POMK: variants seen among roughly 807,000 people sequenced by gnomAD.
POMK encodes protein O-mannose kinase.
Under a neutral mutation model 23.0 loss-of-function variants are expected in POMK, and 19 were observed. The ratio of observed to expected loss-of-function variants is 0.83; its 90% CI spans 0.58 to 1.21. The LOEUF is 1.21. Among genes scored for constraint, POMK ranks in the 50% most tolerant of loss-of-function variants. The pLI is 0.00. For synonymous variants in POMK, 173 were observed against 171.6 expected, an observed-to-expected ratio of 1.01 and a Z score of -0.06; for missense variants, 410 against 431.3, an observed-to-expected ratio of 0.95 and a Z score of 0.44.
rs1405204254 is a variant in POMK at position 43,103,518 on chromosome 8, T to C, written c.-21-10T>C. On this transcript the variant is annotated splice_polypyrimidine_tract_variant and intron_variant, in intron 3 of 4. Transcript: ENST00000331373. ...ACTGTCATGACTTCTTGTTTCATTG[T>C]GTATTTTAGGAAATTGCAGAGGCCG... 1.2e-6 allele frequency: 2 copies of C among 1,610,694 alleles called. No individual in the cohort carries two copies. The highest frequency in any genetic ancestry group is 1.7e-6 in the Non-Finnish European group (2 of 1,177,706).
At chr8:43,110,738 A>T (rs553489044) in intron 4 of POMK, among the ~76,000 whole-genome samples, 4 of 151,788 alleles carry the variant, frequency 2.6e-5, no homozygotes, top group African/African-American at 7.3e-5. Flanking sequence ...ACATGGTAAA[A>T]CCCCATCTCT....
chr8:43,121,587 G>A (rs1333692756), intron 4 of POMK, among the ~76,000 whole-genome samples: 1 of 152,156 alleles, frequency 6.6e-6, no homozygotes, highest in East Asian at 1.9e-4. Context: ...TGATGGGCAG[G>A]GCTCTACGCC....
rs796381789 is a variant in POMK, at chr8:43,118,857, G to T, written c.283-3250G>T. On this transcript the variant is annotated intron_variant, in intron 4 of 4. Transcript: ENST00000331373. ...CTCGCTCTGTTGCCCAGGCTGGAGT[G>T]CAGTGGCCTGATCTCGGCTAACTGC... Among the ~76,000 whole-genome samples the T allele has an allele frequency of 2.0e-5, 3 of 152,302 alleles. No homozygotes were observed. In the South Asian group the frequency reaches 6.2e-4, roughly 32 times the overall value.
chr8:43,122,882 C>T lies in POMK; in HGVS notation c.*5C>T, dbSNP rs1244223706. 1 of 1,596,656 alleles carries T rather than the reference C, an allele frequency of 6.3e-7. No homozygotes were observed. The highest frequency in any genetic ancestry group is 1.7e-5 in the Admixed American group (1 of 59,010). Reference sequence around the variant, plus strand: ...CAGGCAAGAGAGATGCTGTGAAAACCAGTCCAGCCAATGAAGGTGGGATTG... The same window carrying T: ...CAGGCAAGAGAGATGCTGTGAAAACTAGTCCAGCCAATGAAGGTGGGATTG... On this transcript the variant is annotated 3_prime_UTR_variant, in exon 5 of 5. Coordinates refer to ENST00000331373, the MANE Select transcript of POMK (RefSeq NM_032237.5).
intron 4 of POMK, among the ~76,000 whole-genome samples, chr8:43,106,982 C>T (rs765627587): frequency 1.3e-5 from 2 of 152,160 alleles, no homozygotes; most frequent in Non-Finnish European, 2.9e-5. Flanking sequence ...AACTGCTTTG[C>T]AGCTGTCTGA....
chr8:43,100,517 G>C (rs915024152), intron 2 of POMK, among the ~76,000 whole-genome samples: 1 of 151,846 alleles, frequency 6.6e-6, no homozygotes, highest in Non-Finnish European at 1.5e-5. Flanking sequence ...TGCTGTGTGT[G>C]TGTCTGTGGG....
rs1811947723 is a variant in POMK at position 43,122,702 on chromosome 8, TGGGGCACATTGAA to T, written c.882_894del (p.His295ValfsTer44). On this transcript the variant is annotated frameshift_variant, in exon 5 of 5. Transcript: ENST00000331373. LOFTEE classifies it high-confidence loss of function. ...ATCCCAGACATCTCCAGTTTCCTTC[TGGGGCACATTGAA>T]GGGAGTGATATGGTCCGATTCCATT... is the stretch of plus-strand genomic sequence containing the variant. The T allele has an allele frequency of 3.1e-6, 5 of 1,614,094 alleles. No individual in the cohort carries two copies. Among genetic ancestry groups the T allele is most frequent in the Non-Finnish European group, 4.2e-6 (5 of 1,180,040 alleles).
chr8:43,104,893 C>G (rs1404346675), intron 4 of POMK, among the ~76,000 whole-genome samples: 1 of 151,812 alleles, frequency 6.6e-6, no homozygotes, highest in African/African-American at 2.4e-5. Flanking sequence ...GATCTTGCCA[C>G]TGCATTCCAG....
At chr8:43,108,640 A>G (rs1384820240) in intron 4 of POMK, among the ~76,000 whole-genome samples, 1 of 151,984 alleles carries the variant, frequency 6.6e-6, no homozygotes, top group African/African-American at 2.4e-5. Context: ...CTTCTGTTTG[A>G]TATTTATGAA....
At position 43,096,173 on chromosome 8, in the gene POMK, G is replaced by A. The variant is rs146975290; in HGVS notation, c.-209-1351G>A. ...TGGTGCTCAGAATCTAGAGGAAGCCGGGGCCTGGGTATCCCAGAAAGGGAG... is the reference window on the plus strand; with the variant it reads ...TGGTGCTCAGAATCTAGAGGAAGCCAGGGCCTGGGTATCCCAGAAAGGGAG... On this transcript the variant is annotated intron_variant, in intron 1 of 4. Transcript: ENST00000331373. 7.8e-3 allele frequency among the ~76,000 whole-genome samples: 1,195 copies of A among 152,276 alleles called. 16 individuals are homozygous for A. The highest frequency in any genetic ancestry group is 0.027 in the African/African-American group (1,130 of 41,544).
intron 4 of POMK, among the ~76,000 whole-genome samples, chr8:43,119,989 T>G (rs1367846207): frequency 6.6e-6 from 1 of 151,772 alleles, no homozygotes; most frequent in Non-Finnish European, 1.5e-5. Context: ...TTATATATTT[T>G]TGAGTTAAAA....
intron 4 of POMK, among the ~76,000 whole-genome samples, chr8:43,115,685 T>C (rs545154683): frequency 6.6e-6 from 1 of 152,340 alleles, no homozygotes; most frequent in Non-Finnish European, 1.5e-5. Context: ...TCCCTACCTC[T>C]TCAGTCTATT....
At chr8:43,114,146 G>C (rs2130615602) in intron 4 of POMK, among the ~76,000 whole-genome samples, 1 of 152,338 alleles carries the variant, frequency 6.6e-6, no homozygotes, top group African/African-American at 2.4e-5. Context: ...AAAGCTGTCA[G>C]ACAGGGACAT....
At chr8:43,098,130 T>C (rs543676585) in intron 2 of POMK, among the ~76,000 whole-genome samples, 4 of 152,296 alleles carry the variant, frequency 2.6e-5, no homozygotes, top group African/African-American at 7.2e-5. Context: ...TCAAGGAAGA[T>C]ATAATTCACA....
rs33920561 is a variant in POMK at position 43,122,726 on chromosome 8, T to C, written c.902T>C (p.Met301Thr). ...CTGGGGCACATTGAAGGGAGTGATA[T>C]GGTCCGATTCCATTTGTTTGATATT... The part of the protein sequence containing the change: ...FLLGHIEGSD[M>T]VRFHLFDIHK... Residue 301 changes from methionine to threonine, a missense_variant, in exon 5 of 5, where the codon ATG (methionine) becomes ACG (threonine). Physicochemically the swap from Met to Thr is moderately conservative, Grantham distance 81. Transcript: ENST00000331373. 499 of 1,614,196 alleles carry C rather than the reference T, an allele frequency of 3.1e-4. 2 individuals are homozygous for C. The African/African-American group carries it at 5.9e-3, about 19-fold the overall frequency.
At chr8:43,111,113 G>A (rs989779199) in intron 4 of POMK, among the ~76,000 whole-genome samples, 1 of 152,206 alleles carries the variant, frequency 6.6e-6, no homozygotes, top group African/African-American at 2.4e-5. Flanking sequence ...GTGAGCCGAA[G>A]CAGGGCGAGG....
chr8:43,100,216 G>T (rs951517848), intron 2 of POMK, among the ~76,000 whole-genome samples: 3 of 152,160 alleles, frequency 2.0e-5, no homozygotes, highest in Non-Finnish European at 4.4e-5. Flanking sequence ...CTTTGCCAAT[G>T]GGGGCCTGGG....
At chr8:43,110,215 T>G (rs1189008965) in intron 4 of POMK, among the ~76,000 whole-genome samples, 1 of 152,148 alleles carries the variant, frequency 6.6e-6, no homozygotes, top group Non-Finnish European at 1.5e-5. Context: ...TAGTCTCAAG[T>G]GCATATTACA....
intron 4 of POMK, among the ~76,000 whole-genome samples, chr8:43,116,371 C>T (rs1237509049): frequency 6.6e-6 from 1 of 152,126 alleles, no homozygotes; most frequent in Admixed American, 6.5e-5. Flanking sequence ...CTCCAGTGAT[C>T]CTCCCACCTC....
Sources: allele counts gnomAD v4.1 joint callset (sites outside exome capture counted in the v4.1 genomes callset), GRCh38; gene constraint gnomAD v4.1.1; transcripts MANE v1.5; gene names NCBI Gene and HGNC (gene_info 2026-07-23, HGNC 2026-07-21).